The following ATP6V1D variants were observed in gnomAD, a reference collection of about 807,000 sequenced individuals.
ATP6V1D encodes V-type proton ATPase subunit D.
In ATP6V1D, 20 loss-of-function variants were observed where a neutral mutation model predicts 39.4. The ratio of observed to expected loss-of-function variants is 0.51; its 90% CI spans 0.36 to 0.74. ATP6V1D has a LOEUF of 0.74. Ranked by LOEUF, ATP6V1D falls within the 30% of genes least tolerant of loss-of-function variation. The pLI is 0.00. For synonymous variants in ATP6V1D, 100 were observed against 100.5 expected, an observed-to-expected ratio of 0.99 and a Z score of 0.03; for missense variants, 228 against 291.6, an observed-to-expected ratio of 0.78 and a Z score of 1.59.
At chr14:67,359,354 G>A (rs1304557906) in intron 1 of ATP6V1D, among the ~76,000 whole-genome samples, 1 of 152,172 alleles carries the variant, frequency 6.6e-6, no homozygotes, top group Non-Finnish European at 1.5e-5. Context: ...TCCAGTGCCC[G>A]GCTCAATAAG....
At chr14:67,353,375 G>A (rs55924625) in intron 1 of ATP6V1D, among the ~76,000 whole-genome samples, 2,171 of 152,292 alleles carry the variant, frequency 0.014, 21 homozygotes, top group Middle Eastern at 0.031. Flanking sequence ...TTAAATGTGA[G>A]TTCATCTGGG....
At chr14:67,339,708 C>T (rs2085565271) in intron 8 of ATP6V1D, among the ~76,000 whole-genome samples, 1 of 152,190 alleles carries the variant, frequency 6.6e-6, no homozygotes, top group Non-Finnish European at 1.5e-5. Flanking sequence ...TTCTCCTGAA[C>T]ATGAAATACA....
At chr14:67,345,361 A>G (rs552018983) in intron 6 of ATP6V1D, among the ~76,000 whole-genome samples, 1 of 152,334 alleles carries the variant, frequency 6.6e-6, no homozygotes, top group Non-Finnish European at 1.5e-5. Context: ...GTTCGAGACC[A>G]GCCTGACAAA....
At chr14:67,340,623 A>G in intron 7 of ATP6V1D, 105 bp from the exon 8 acceptor site, 1 of 956,842 alleles carries the variant, frequency 1.0e-6, no homozygotes, top group Non-Finnish European at 1.6e-6. Context: ...TGTAAAATTA[A>G]TGTGCATTTA....
Position 67,359,789 on chromosome 14 carries a change from G to T in ATP6V1D, c.-91C>A. On this transcript the variant is annotated 5_prime_UTR_variant, in exon 1 of 9. Coordinates refer to ENST00000216442, the MANE Select transcript of ATP6V1D (RefSeq NM_015994.4). ...GGCCTCCACAGTGTCTTCCTCTACGGGAGTCAGCTGGTTGTGTCACTTGAC... is the reference window on the plus strand; with the variant it reads ...GGCCTCCACAGTGTCTTCCTCTACGTGAGTCAGCTGGTTGTGTCACTTGAC... The T allele has an allele frequency of 6.9e-7, 1 of 1,454,202 alleles. No individual in the cohort carries two copies. The allele number at this position is 1,454,202 out of a possible 1,614,324, so 90.1% of individuals were successfully genotyped here.
chr14:67,357,712 C>T (rs1432145652), intron 1 of ATP6V1D, among the ~76,000 whole-genome samples: 1 of 152,124 alleles, frequency 6.6e-6, no homozygotes, highest in Non-Finnish European at 1.5e-5. Context: ...CTCATTTGTG[C>T]AGAGGTGACT....
chr14:67,344,588 G>C (rs991021404), intron 6 of ATP6V1D, among the ~76,000 whole-genome samples: 4 of 152,154 alleles, frequency 2.6e-5, no homozygotes, highest in Non-Finnish European at 5.9e-5. Flanking sequence ...TTAGCAAAGA[G>C]TGAAACTGGG....
At chr14:67,353,144 T>C (rs2085666697) in intron 1 of ATP6V1D, 104 bp from the exon 2 acceptor site, 3 of 834,000 alleles carry the variant, frequency 3.6e-6, no homozygotes, top group African/African-American at 3.5e-5. Flanking sequence ...TTTGATGTGA[T>C]GAAAGTGAGA....
intron 2 of ATP6V1D, 25 bp downstream of exon 2, chr14:67,352,898 C>A: frequency 6.7e-7 from 1 of 1,496,662 alleles, no homozygotes; most frequent in Non-Finnish European, 9.2e-7. Context: ...AAAATAAATA[C>A]TATTCTAAGA....
chr14:67,348,671 GC>G (rs1034973106), intron 4 of ATP6V1D, among the ~76,000 whole-genome samples: 6 of 150,838 alleles, frequency 4.0e-5, no homozygotes, highest in African/African-American at 1.5e-4. Context: ...ACAGGCGCGT[GC>G]CACCAAACCT....
At chr14:67,353,404 T>C (rs549976892) in intron 1 of ATP6V1D, among the ~76,000 whole-genome samples, 36 of 152,182 alleles carry the variant, frequency 2.4e-4, no homozygotes, top group Non-Finnish European at 8.8e-5. Flanking sequence ...TAATCCCAGC[T>C]ACAGGTGTAA....
At chr14:67,354,734 C>A (rs917818841) in intron 1 of ATP6V1D, among the ~76,000 whole-genome samples, 1 of 152,170 alleles carries the variant, frequency 6.6e-6, no homozygotes, top group African/African-American at 2.4e-5. Context: ...CAAAAACTGG[C>A]AAGAGTTACC....
intron 8 of ATP6V1D, chr14:67,340,086 G>T: frequency 6.1e-6 from 1 of 163,902 alleles, no homozygotes; most frequent in Non-Finnish European, 1.3e-5. Context: ...CAAAGGTAAT[G>T]AGTTCTCTCT....
chr14:67,354,874 C>T (rs905211894), intron 1 of ATP6V1D, among the ~76,000 whole-genome samples: 77 of 152,290 alleles, frequency 5.1e-4, no homozygotes, highest in Middle Eastern at 6.8e-3. Context: ...AGTGCAATGG[C>T]GCGATCTCGG....
Position 67,340,471 on chromosome 14 carries a change from G to T in ATP6V1D, c.571C>A (p.Leu191Met). 6.2e-7 allele frequency: 1 copy of T among 1,613,676 alleles called. No individual in the cohort carries two copies. Among genetic ancestry groups the T allele is most frequent in the Non-Finnish European group, 8.5e-7 (1 of 1,179,848 alleles). Residue 191 changes from leucine (L) to methionine (M), a missense_variant, in exon 8 of 9, where the codon CTG becomes ATG. Coordinates refer to ENST00000216442, the MANE Select transcript of ATP6V1D (RefSeq NM_015994.4). ...ERTLAYIITE[L>M]DEREREEFYR... The stretch of plus-strand genomic sequence containing the variant: ...AACTCTTCTCGCTCTCTCTCATCCA[G>T]CTCTGTGATGATATAAGCAAGAGTA...
At chr14:67,359,577 T>TC in intron 1 of ATP6V1D, 81 bp downstream of exon 1, 1 of 1,501,920 alleles carries the variant, frequency 6.7e-7, no homozygotes, top group Non-Finnish European at 9.2e-7. Context: ...ACAAGGACCC[T>TC]CACTGTGGCC....
chr14:67,343,325 G>A (rs1290253024), intron 7 of ATP6V1D, 47 bp downstream of exon 7: 3 of 1,418,924 alleles, frequency 2.1e-6, no homozygotes, highest in Non-Finnish European at 3.0e-6. Flanking sequence ...ACGACAAGTG[G>A]AGGGTATGGA....
chr14:67,356,442 A>G lies in ATP6V1D; in HGVS notation c.41+3216T>C, dbSNP rs780962546. On this transcript the variant is annotated intron_variant, in intron 1 of 8. Transcript: ENST00000216442. ...CCTCAAAAAAACAAAAACAAAAAAA[A>G]AAAAACAAAAACAAACAAACACCAT... Among the ~76,000 whole-genome samples, 1,162 of 144,116 alleles carry G rather than the reference A, an allele frequency of 8.1e-3. 14 individuals carry two copies. The highest frequency in any genetic ancestry group is 0.029 in the African/African-American group (1,050 of 36,300). 94.5% of individuals were successfully genotyped at this position (144,116 alleles called of 152,430 possible).
chr14:67,340,811 T>C (rs960515920), intron 7 of ATP6V1D, among the ~76,000 whole-genome samples: 1 of 152,182 alleles, frequency 6.6e-6, no homozygotes, highest in Non-Finnish European at 1.5e-5. Flanking sequence ...GTGCCTGCGA[T>C]TGCAGGCGCG....
Sources: allele counts gnomAD v4.1 joint callset (sites outside exome capture counted in the v4.1 genomes callset), GRCh38; gene constraint gnomAD v4.1.1; transcripts MANE v1.5; gene names NCBI Gene and HGNC (gene_info 2026-07-23, HGNC 2026-07-21).